The following RGS3 variants were observed in gnomAD, a reference collection of about 807,000 sequenced individuals.
RGS3 encodes the protein regulator of G protein signaling 3.
Under a neutral mutation model 132.6 loss-of-function variants are expected in RGS3, and 80 were observed. That is an observed-to-expected ratio of 0.60 (90% confidence interval 0.50 to 0.73). The LOEUF is 0.73. Among genes scored for constraint, RGS3 ranks in the 30% least tolerant of loss-of-function variants. The pLI is 0.00. For missense variants in RGS3, 1,382 were observed against 1,530.8 expected (o/e 0.90, Z 1.62); for synonymous variants, 598 against 620.6 (o/e 0.96, Z 0.54).
chr9:113,516,109 A>T (rs1434134975), intron 15 of RGS3, among the ~76,000 whole-genome samples: 1 of 152,240 alleles, frequency 6.6e-6, no homozygotes, highest in Non-Finnish European at 1.5e-5. Context: ...TCAGCAGCAT[A>T]GACATGACTT....
intron 19 of RGS3, among the ~76,000 whole-genome samples, chr9:113,575,855 G>T (rs142357482): frequency 6.6e-6 from 1 of 152,162 alleles, no homozygotes; most frequent in African/African-American, 2.4e-5. Context: ...GTACTTCTCC[G>T]TTAAGAACCA....
At chr9:113,486,963 A>G (rs982563507) in intron 7 of RGS3, among the ~76,000 whole-genome samples, 11 of 152,026 alleles carry the variant, frequency 7.2e-5, no homozygotes, top group African/African-American at 2.2e-4. Context: ...CATAGGGTCA[A>G]AGACTTTCCT....
At chr9:113,508,083 G>C (rs538118625) in intron 13 of RGS3, among the ~76,000 whole-genome samples, 2 of 152,176 alleles carry the variant, frequency 1.3e-5, no homozygotes, top group African/African-American at 4.8e-5. Context: ...ATAAGCTTGC[G>C]ACATATCCCA....
intron 19 of RGS3, among the ~76,000 whole-genome samples, chr9:113,568,305 A>G (rs898366847): frequency 2.0e-5 from 3 of 152,244 alleles, no homozygotes; most frequent in Non-Finnish European, 4.4e-5. Context: ...CTCACTGACT[A>G]GAGCCCTGCT....
Position 113,506,911 on chromosome 9 carries a change from G to A in RGS3, c.1086-376G>A, listed in dbSNP as rs1009212908. Among the ~76,000 whole-genome samples the A allele has an allele frequency of 4.6e-5, 7 of 152,148 alleles. No individual in the cohort carries two copies. Among genetic ancestry groups the A allele is most frequent in the South Asian group, 2.1e-4 (1 of 4,830 alleles). On this transcript the variant is annotated intron_variant, in intron 12 of 24. Transcript: ENST00000350696. This position sits in a 1 kb window ranked among gnomAD's most constrained non-coding sequence, Gnocchi z 4.7. The stretch of plus-strand genomic sequence containing the variant: ...TTTTGATCCTCTAGGGTAAAACCCC[G>A]ATGGCCCCATTTTAGGTCTGCTTCT...
chr9:113,461,520 G>C (rs1829469822), intron 1 of RGS3, among the ~76,000 whole-genome samples: 1 of 152,174 alleles, frequency 6.6e-6, no homozygotes, highest in Non-Finnish European at 1.5e-5. Flanking sequence ...GAGCCTTACT[G>C]GTGGTGGTGA....
At chr9:113,481,005 C>T (rs1830142297) in intron 4 of RGS3, among the ~76,000 whole-genome samples, 1 of 152,256 alleles carries the variant, frequency 6.6e-6, no homozygotes, top group African/African-American at 2.4e-5. Flanking sequence ...CTTGCTTGCT[C>T]CTGCCTCTGT....
intron 17 of RGS3, among the ~76,000 whole-genome samples, chr9:113,524,803 C>A (rs1832127543): frequency 6.6e-6 from 1 of 152,236 alleles, no homozygotes; most frequent in South Asian, 2.1e-4. Flanking sequence ...CCTGCCTCTA[C>A]CCCTCTGGGG....
At chr9:113,594,020 C>G in intron 21 of RGS3, 3 of 1,613,070 alleles carry the variant, frequency 1.9e-6, no homozygotes, top group Non-Finnish European at 2.5e-6. Flanking sequence ...TCACGGCTCC[C>G]TCTCAGGGTT....
chr9:113,593,837 G>GCAGTGCCTCCCCTGGCTC, intron 21 of RGS3: 1 of 1,358,680 alleles, frequency 7.4e-7, no homozygotes, highest in Non-Finnish European at 1.0e-6. Flanking sequence ...CCGGTGGTGG[G>GCAGTGCCTCCCCTGGCTC]CAGTGCCTCC....
chr9:113,505,295 C>G, intron 10 of RGS3, 147 bp from the exon 9 acceptor site: 1 of 668,466 alleles, frequency 1.5e-6, no homozygotes, highest in Non-Finnish European at 2.7e-6. Flanking sequence ...GATAGGGACA[C>G]TGAGGGGCTG....
intron 19 of RGS3, among the ~76,000 whole-genome samples, chr9:113,570,737 A>G (rs555773115): frequency 2.0e-5 from 3 of 152,020 alleles, no homozygotes; most frequent in African/African-American, 4.8e-5. Context: ...CCCAGGTTCA[A>G]GTGATTCTCC....
At chr9:113,514,054 G>T (rs902837715) in intron 14 of RGS3, among the ~76,000 whole-genome samples, 3 of 152,196 alleles carry the variant, frequency 2.0e-5, no homozygotes, top group Non-Finnish European at 4.4e-5. Context: ...ATTGTTCCAC[G>T]TGGGACTGTG....
At chr9:113,479,430 T>A in intron 3 of RGS3, 61 bp from the exon 2 acceptor site, 1 of 1,533,510 alleles carries the variant, frequency 6.5e-7, no homozygotes, top group Non-Finnish European at 9.0e-7. Context: ...TTTCCTCTAG[T>A]TTTTTCCACC....
rs1224763767 is a variant in RGS3 at position 113,529,207 on chromosome 9, T to C, written c.1871-14T>C. ...CCAGTTCTAATGCAAATCTTACTTTTTGTTCCCTCAAAGGTTCTTCAGAAG... is the reference window on the plus strand; with the variant it reads ...CCAGTTCTAATGCAAATCTTACTTTCTGTTCCCTCAAAGGTTCTTCAGAAG... On this transcript the variant is annotated splice_polypyrimidine_tract_variant and intron_variant, in intron 17 of 24. Coordinates refer to ENST00000350696, the Ensembl canonical transcript of RGS3. 1.9e-6 allele frequency: 3 copies of C among 1,609,760 alleles called. No individual in the cohort carries two copies. Among genetic ancestry groups the C allele is most frequent in the Non-Finnish European group, 1.7e-6 (2 of 1,176,018 alleles).
intron 19 of RGS3, chr9:113,580,653 G>T: frequency 3.7e-6 from 1 of 268,154 alleles, no homozygotes; most frequent in South Asian, 1.4e-4. Flanking sequence ...CTTCCATCTT[G>T]GTTAGTTTCT....
chr9:113,504,395 G>A (rs1033272543), intron 10 of RGS3, among the ~76,000 whole-genome samples: 1 of 152,194 alleles, frequency 6.6e-6, no homozygotes, highest in African/African-American at 2.4e-5. Flanking sequence ...GCTGCCTTTA[G>A]CAGCCGGAAT....
At chr9:113,541,388 TAGA>T (rs1363607065) in intron 19 of RGS3, 1 of 1,613,780 alleles carries the variant, frequency 6.2e-7, no homozygotes, top group Admixed American at 1.7e-5. Flanking sequence ...CCACCCAGGA[TAGA>T]AGCTTTACCT....
At chr9:113,531,674 C>T (rs936386701) in intron 18 of RGS3, among the ~76,000 whole-genome samples, 2 of 152,164 alleles carry the variant, frequency 1.3e-5, no homozygotes, top group African/African-American at 4.8e-5. Context: ...TGTGCATATA[C>T]AGTTATACAA....
Sources: gnomAD v4.1 joint callset for allele counts (sites outside exome capture counted in the v4.1 genomes callset) on GRCh38, gnomAD v4.1.1 for gene constraint, Gnocchi (gnomAD v3.1) non-coding constraint, MANE v1.5 for transcripts, NCBI Gene and HGNC (gene_info 2026-07-23, HGNC 2026-07-21) for gene names.